Variants in LRRC4C observed in about 807,000 individuals in gnomAD.
LRRC4C encodes the protein leucine-rich repeat-containing protein 4C.
Under a neutral mutation model 33.6 loss-of-function variants are expected in LRRC4C, and 5 were observed. The observed-to-expected ratio is 0.15, with a 90% CI of 0.08 to 0.31. The LOEUF (loss-of-function observed/expected upper bound fraction) is 0.31. LRRC4C is among the 10% of genes least tolerant of loss of function. The probability of loss-of-function intolerance (pLI) is 1.00; values close to 1 mark genes in which losing one functional copy is unlikely to be tolerated. For synonymous variants in LRRC4C, 329 were observed against 302.0 expected, an observed-to-expected ratio of 1.09 and a Z score of -0.93; for missense variants, 560 against 796.7, an observed-to-expected ratio of 0.70 and a Z score of 3.58.
intron 5 of LRRC4C, among the ~76,000 whole-genome samples, chr11:40,206,382 C>T (rs902169532): frequency 5.3e-5 from 8 of 150,788 alleles, no homozygotes; most frequent in Non-Finnish European, 1.0e-4. Flanking sequence ...ATTACAGGCA[C>T]CTGCCATCAT....
At chr11:41,331,640 A>T (rs1263441766) in intron 1 of LRRC4C, among the ~76,000 whole-genome samples, 1 of 152,142 alleles carries the variant, frequency 6.6e-6, no homozygotes, top group East Asian at 1.9e-4. Flanking sequence ...TCTGCCTGAC[A>T]ATCTTTTCAC....
chr11:41,453,075 A>G (rs929007562), intron 1 of LRRC4C, among the ~76,000 whole-genome samples: 1 of 152,112 alleles, frequency 6.6e-6, no homozygotes, highest in Non-Finnish European at 1.5e-5. Flanking sequence ...AACCTTCCCA[A>G]AGGTATGTTA....
intron 1 of LRRC4C, among the ~76,000 whole-genome samples, chr11:40,954,200 A>G (rs1352003226): frequency 2.0e-5 from 3 of 151,886 alleles, no homozygotes; most frequent in Admixed American, 2.0e-4. Flanking sequence ...CATCCCCAAC[A>G]TGTAACATTA....
At chr11:40,487,353 C>G (rs1259172913) in intron 3 of LRRC4C, among the ~76,000 whole-genome samples, 1 of 152,036 alleles carries the variant, frequency 6.6e-6, no homozygotes, top group Non-Finnish European at 1.5e-5. Context: ...TTTTCATGGG[C>G]AATCAAGGTA....
intron 1 of LRRC4C, among the ~76,000 whole-genome samples, chr11:41,102,548 T>C (rs1054349626): frequency 5.3e-5 from 8 of 152,008 alleles, no homozygotes; most frequent in Non-Finnish European, 8.8e-5. Flanking sequence ...TATAGAAAAA[T>C]CATCACGTAA....
At chr11:40,415,929 A>G (rs1950309174) in intron 3 of LRRC4C, among the ~76,000 whole-genome samples, 1 of 152,248 alleles carries the variant, frequency 6.6e-6, no homozygotes, top group South Asian at 2.1e-4. Flanking sequence ...GCTATGAAAT[A>G]GAAATTATAA....
chr11:41,354,978 C>T (rs1274838055), intron 1 of LRRC4C, among the ~76,000 whole-genome samples: 4 of 151,872 alleles, frequency 2.6e-5, no homozygotes, highest in African/African-American at 9.7e-5. Context: ...CAATTGCAAC[C>T]GAAACAAAAG....
At chr11:40,610,521 C>G (rs1244764776) in intron 3 of LRRC4C, among the ~76,000 whole-genome samples, 3 of 151,334 alleles carry the variant, frequency 2.0e-5, no homozygotes, top group Non-Finnish European at 4.4e-5. Context: ...GGAGTTCTAG[C>G]TAGAGTAATT....
intron 3 of LRRC4C, among the ~76,000 whole-genome samples, chr11:40,379,700 A>AT (rs1337743726): frequency 6.6e-6 from 1 of 152,218 alleles, no homozygotes; most frequent in African/African-American, 2.4e-5. Context: ...ATCAGTCTTC[A>AT]TACTGTAAAC....
intron 1 of LRRC4C, among the ~76,000 whole-genome samples, chr11:41,135,871 T>G (rs1943234712): frequency 6.6e-6 from 1 of 152,200 alleles, no homozygotes; most frequent in Admixed American, 6.5e-5. Context: ...CAAATAGCAC[T>G]CTGGCTAACA....
At chr11:41,390,562 A>C (rs1046093073) in intron 1 of LRRC4C, among the ~76,000 whole-genome samples, 1 of 151,822 alleles carries the variant, frequency 6.6e-6, no homozygotes, top group African/African-American at 2.4e-5. Context: ...CAGTTTGCTA[A>C]TCCTTTACCT....
At chr11:41,060,990 TC>T (rs1199657774) in intron 1 of LRRC4C, among the ~76,000 whole-genome samples, 8 of 145,764 alleles carry the variant, frequency 5.5e-5, no homozygotes, top group Non-Finnish European at 9.1e-5. Context: ...CCCCTTCCCC[TC>T]CCCCCTCCAC....
chr11:40,276,564 C>T (rs1440706510), intron 4 of LRRC4C, among the ~76,000 whole-genome samples: 4 of 152,046 alleles, frequency 2.6e-5, no homozygotes, highest in Non-Finnish European at 4.4e-5. Context: ...GCATTTCTTT[C>T]TCCTTGTACC....
intron 4 of LRRC4C, among the ~76,000 whole-genome samples, chr11:40,246,668 G>A (rs531527117): frequency 6.6e-6 from 1 of 151,872 alleles, no homozygotes; most frequent in Admixed American, 6.6e-5. Context: ...ATTCTGGTTT[G>A]AGCCCTCAAA....
At chr11:40,957,760 T>C (rs1327787672) in intron 1 of LRRC4C, among the ~76,000 whole-genome samples, 1 of 151,728 alleles carries the variant, frequency 6.6e-6, no homozygotes, top group East Asian at 1.9e-4. Flanking sequence ...CCTTCCCTTA[T>C]GCAAATCTAC....
At chr11:40,549,356 A>C (rs1205756272) in intron 3 of LRRC4C, among the ~76,000 whole-genome samples, 1 of 152,176 alleles carries the variant, frequency 6.6e-6, no homozygotes, top group Non-Finnish European at 1.5e-5. Context: ...GAGCGCAGAC[A>C]GAGCGAACAC....
At chr11:41,198,377 TCTC>T (rs1414893759) in intron 1 of LRRC4C, among the ~76,000 whole-genome samples, 2 of 152,060 alleles carry the variant, frequency 1.3e-5, no homozygotes, top group African/African-American at 4.8e-5. Context: ...AATAAAATTA[TCTC>T]CTTTTTTCAG....
intron 2 of LRRC4C, among the ~76,000 whole-genome samples, chr11:40,763,925 G>C (rs1949338482): frequency 6.6e-6 from 1 of 152,104 alleles, no homozygotes. Context: ...GCTCTGTACT[G>C]GGCTCAGAGC....
At chr11:40,869,099 C>T (rs4334004) in intron 2 of LRRC4C, among the ~76,000 whole-genome samples, 111,680 of 151,990 alleles carry the variant, frequency 0.73, 42,803 homozygotes, top group Non-Finnish European at 0.86. Context: ...AGTAAGAAAA[C>T]TGAGATGGAA....
Sources: gnomAD v4.1 joint callset for allele counts (sites outside exome capture counted in the v4.1 genomes callset) on GRCh38, gnomAD v4.1.1 for gene constraint, MANE v1.5 for transcripts, NCBI Gene and HGNC (gene_info 2026-07-23, HGNC 2026-07-21) for gene names.